The following CRB1 variants were observed in gnomAD, a reference collection of about 807,000 sequenced individuals.
CRB1 encodes the protein crumbs cell polarity complex component 1, also known as protein crumbs homolog 1.
CRB1 carries 83 observed loss-of-function variants against 120.0 expected under a neutral mutation model. That is an observed-to-expected ratio of 0.69 (90% confidence interval 0.58 to 0.83). CRB1 has a LOEUF of 0.83. Ranked by LOEUF, CRB1 falls within the 40% of genes least tolerant of loss-of-function variation. CRB1 has a pLI of 0.00. For missense variants in CRB1, 1,699 were observed against 1,687.6 expected (o/e 1.01, Z -0.12); for synonymous variants, 625 against 612.5 (o/e 1.02, Z -0.30).
intron 1 of CRB1, among the ~76,000 whole-genome samples, chr1:197,309,084 A>G (rs1227113946): frequency 3.3e-5 from 5 of 151,858 alleles, no homozygotes; most frequent in Non-Finnish European, 7.4e-5. Context: ...TCATATATAC[A>G]CATATACACA....
intron 2 of CRB1, among the ~76,000 whole-genome samples, chr1:197,337,420 T>C (rs1659218299): frequency 6.6e-6 from 1 of 152,176 alleles, no homozygotes; most frequent in Non-Finnish European, 1.5e-5. Context: ...GCCTAGATGT[T>C]CTCTAGTGGT....
At chr1:197,225,816 T>A in the CRB1 span, among the ~76,000 whole-genome samples, 11 of 152,246 alleles carry the variant, frequency 7.2e-5, no homozygotes, top group Non-Finnish European at 1.6e-4. Context: ...CTGTATCTAA[T>A]CCTACTAACA....
the CRB1 span, among the ~76,000 whole-genome samples, chr1:197,245,178 A>G: frequency 2.6e-5 from 4 of 152,074 alleles, no homozygotes; most frequent in Non-Finnish European, 4.4e-5. Context: ...GTCATTGAAC[A>G]TTAGGTATAT....
At chr1:197,363,193 T>C (rs938908709) in intron 5 of CRB1, among the ~76,000 whole-genome samples, 6 of 151,970 alleles carry the variant, frequency 3.9e-5, no homozygotes, top group Non-Finnish European at 7.4e-5. Context: ...TCAGATGGTG[T>C]TATAATTTTT....
At chr1:197,270,255 C>A (rs1030181059) in intron 1 of CRB1, among the ~76,000 whole-genome samples, 3 of 152,136 alleles carry the variant, frequency 2.0e-5, no homozygotes, top group Non-Finnish European at 4.4e-5. Flanking sequence ...TCATTTACTT[C>A]TTGCAACAAC....
In CRB1 at chr1:197,328,803, AG is replaced by A; in HGVS notation, c.453del (p.Glu151AspfsTer55). On this transcript the variant is annotated frameshift_variant, in exon 2 of 12. Coordinates refer to ENST00000367400, the MANE Select transcript of CRB1 (RefSeq NM_201253.3). LOFTEE classifies it high-confidence loss of function. ...AGATTCTGTGAGATAGATCACGATG[AG>A]TGTGCTTCCAGCCCTTGCCAAAATG... The part of the protein sequence containing the change: ...AGRFCEIDHD[E>X]CASSPCQNGA... 2 of 1,613,956 alleles carry A rather than the reference AG, an allele frequency of 1.2e-6. No homozygotes were observed. Among genetic ancestry groups the A allele is most frequent in the South Asian group, 2.2e-5 (2 of 91,030 alleles).
In CRB1 at chr1:197,427,530, C is replaced by T; in HGVS notation, c.2205C>T (p.Asp735=). 6.2e-7 allele frequency: 1 copy of T among 1,613,496 alleles called. No homozygotes were observed. Among genetic ancestry groups the T allele is most frequent in the Non-Finnish European group, 8.5e-7 (1 of 1,179,638 alleles). ...VIFTLDESYG[D]TISLSMFVRT... ...TTACTCTTGATGAGAGCTATGGAGA[C>T]ACCATCAGCCTCTCCATGTTTGTCC... The change falls in exon 7 of 12, where the codon GAC becomes GAT. Residue 735 remains aspartate, a synonymous_variant. Coordinates refer to ENST00000367400, the MANE Select transcript of CRB1 (RefSeq NM_201253.3).
intron 5 of CRB1, among the ~76,000 whole-genome samples, chr1:197,395,799 A>T (rs1378382849): frequency 6.6e-6 from 1 of 152,176 alleles, no homozygotes; most frequent in Non-Finnish European, 1.5e-5. Context: ...AAAACTCAAC[A>T]TTCATATGAT....
chr1:197,225,021 G>A, the CRB1 span, among the ~76,000 whole-genome samples: 5 of 151,652 alleles, frequency 3.3e-5, no homozygotes, highest in Non-Finnish European at 5.9e-5. Flanking sequence ...TAGGTGTTAG[G>A]CACAGTTCTA....
At chr1:197,379,466 A>AT (rs1444776261) in intron 5 of CRB1, among the ~76,000 whole-genome samples, 1 of 151,582 alleles carries the variant, frequency 6.6e-6, no homozygotes, top group Non-Finnish European at 1.5e-5. Flanking sequence ...CGCCTGGCAA[A>AT]TTTTTTTGTA....
chr1:197,284,811 T>TA (rs148987226), intron 1 of CRB1, among the ~76,000 whole-genome samples: 12,392 of 151,936 alleles, frequency 0.082, 1,742 homozygotes, highest in African/African-American at 0.28. Flanking sequence ...TATTGTAATT[T>TA]AAAAAAATAA....
intron 5 of CRB1, among the ~76,000 whole-genome samples, chr1:197,390,878 A>T (rs1662472921): frequency 6.6e-6 from 1 of 152,094 alleles, no homozygotes; most frequent in African/African-American, 2.4e-5. Flanking sequence ...CGAGGCCCTT[A>T]AGAATAGGCT....
At chr1:197,432,296 C>T (rs1481281158) in intron 8 of CRB1, among the ~76,000 whole-genome samples, 1 of 150,644 alleles carries the variant, frequency 6.6e-6, no homozygotes, top group African/African-American at 2.4e-5. Flanking sequence ...TACTTAAAAA[C>T]ATGTAATGAA....
At chr1:197,303,185 G>A (rs1271326583) in intron 1 of CRB1, among the ~76,000 whole-genome samples, 4 of 150,790 alleles carry the variant, frequency 2.7e-5, no homozygotes, top group Non-Finnish European at 5.9e-5. Flanking sequence ...ACAATGTGCA[G>A]GTTAGTTACA....
chr1:197,379,404 A>G (rs1017626608), intron 5 of CRB1, among the ~76,000 whole-genome samples: 4 of 151,688 alleles, frequency 2.6e-5, no homozygotes, highest in Non-Finnish European at 5.9e-5. Context: ...AGTTCACGCC[A>G]TTCTCCTGTC....
At position 197,300,001 on chromosome 1, in the gene CRB1, G is replaced by A. The variant is rs143653360; in HGVS notation, c.71-28421G>A. Among the ~76,000 whole-genome samples the A allele has an allele frequency of 4.1e-4, 63 of 151,832 alleles. 1 individual carries two copies. In the East Asian group the frequency reaches 9.9e-3, roughly 24 times the overall value. ...ATCAATGATCTTTGATGTTCCTATT[G>A]TAATTGTTTTTGGGCACCACAAACC... On this transcript the variant is annotated intron_variant, in intron 1 of 11. Transcript: ENST00000367400.
chr1:197,453,512 A>ATATG (rs1553266380), intron 11 of CRB1, among the ~76,000 whole-genome samples: 44 of 131,182 alleles, frequency 3.4e-4, no homozygotes, highest in Admixed American at 5.4e-4. Flanking sequence ...GTGTATATAT[A>ATATG]TGTGTGTGTG....
chr1:197,354,722 G>A (rs937864842), intron 4 of CRB1, among the ~76,000 whole-genome samples: 1 of 145,348 alleles, frequency 6.9e-6, no homozygotes, highest in Admixed American at 7.0e-5. Flanking sequence ...ATTTCAACAA[G>A]CAAAAGCACA....
At chr1:197,290,972 G>T (rs571182039) in intron 1 of CRB1, among the ~76,000 whole-genome samples, 1 of 151,660 alleles carries the variant, frequency 6.6e-6, no homozygotes, top group African/African-American at 2.4e-5. Flanking sequence ...TAAAATAAAT[G>T]GCTTTCAAAA....
Sources: gnomAD v4.1 joint callset for allele counts (sites outside exome capture counted in the v4.1 genomes callset) on GRCh38, gnomAD v4.1.1 for gene constraint, MANE v1.5 for transcripts, NCBI Gene and HGNC (gene_info 2026-07-23, HGNC 2026-07-21) for gene names.